The following DLGAP1 variants were observed in gnomAD, a reference collection of about 807,000 sequenced individuals.
DLGAP1 encodes the protein disks large-associated protein 1.
DLGAP1 carries 11 observed loss-of-function variants against 90.8 expected under a neutral mutation model. The ratio of observed to expected loss-of-function variants is 0.12; its 90% CI spans 0.08 to 0.20. The LOEUF (loss-of-function observed/expected upper bound fraction) is 0.20. DLGAP1 is among the 10% of genes least tolerant of loss of function. DLGAP1 has a pLI of 1.00. For missense variants in DLGAP1, 1,050 were observed against 1,333.8 expected (o/e 0.79, Z 3.31); for synonymous variants, 558 against 540.7 (o/e 1.03, Z -0.44).
chr18:4,449,795 T>G (rs923552685), intron 1 of DLGAP1, among the ~76,000 whole-genome samples: 1 of 152,186 alleles, frequency 6.6e-6, no homozygotes, highest in Admixed American at 6.5e-5. Context: ...AAATGACTTT[T>G]CAGCTGAAGT....
chr18:4,070,813 C>T (rs1229739775), intron 2 of DLGAP1, among the ~76,000 whole-genome samples: 4 of 151,992 alleles, frequency 2.6e-5, no homozygotes, highest in African/African-American at 9.7e-5. Context: ...AGTTAAAAGT[C>T]GTGTTGAGAG....
intron 1 of DLGAP1, among the ~76,000 whole-genome samples, chr18:4,329,914 T>C (rs926337669): frequency 2.6e-5 from 4 of 152,026 alleles, no homozygotes; most frequent in Non-Finnish European, 5.9e-5. Context: ...GAATTACCTC[T>C]TCTATTTTCT....
At chr18:3,857,315 A>G (rs938088411) in intron 4 of DLGAP1, among the ~76,000 whole-genome samples, 2 of 152,216 alleles carry the variant, frequency 1.3e-5, no homozygotes, top group African/African-American at 2.4e-5. Context: ...AATGGTAAAA[A>G]GCTGTTTAAA....
intron 2 of DLGAP1, among the ~76,000 whole-genome samples, chr18:4,052,539 C>A (rs924985791): frequency 2.6e-5 from 4 of 152,132 alleles, no homozygotes; most frequent in African/African-American, 9.7e-5. Flanking sequence ...CCTGCAAAAC[C>A]ATTTTTCTCT....
At chr18:4,118,009 C>T (rs2076089804) in intron 2 of DLGAP1, among the ~76,000 whole-genome samples, 1 of 151,584 alleles carries the variant, frequency 6.6e-6, no homozygotes, top group African/African-American at 2.4e-5. Context: ...TTCATGACCG[C>T]CAGGGTTATG....
intron 6 of DLGAP1, among the ~76,000 whole-genome samples, chr18:3,735,918 T>G (rs1598508843): frequency 6.6e-6 from 1 of 151,976 alleles, no homozygotes; most frequent in East Asian, 1.9e-4. Flanking sequence ...GACAATTAAT[T>G]TATCTAGGTT....
Position 4,084,119 on chromosome 18 carries a change from A to T in DLGAP1, c.-159+67061T>A, listed in dbSNP as rs1294586139. Reference sequence around the variant, plus strand: ...AATCCTAGCCCCCAAACTCCTCAAAAAGATGGACTTGAGGTTTCCTCCCAT... The same window carrying T: ...AATCCTAGCCCCCAAACTCCTCAAATAGATGGACTTGAGGTTTCCTCCCAT... On this transcript the variant is annotated intron_variant, in intron 2 of 12. Transcript: ENST00000315677. The surrounding 1 kb of genome is among the most constrained non-coding windows in gnomAD (Gnocchi z 4.0). Among the ~76,000 whole-genome samples, 1 of 152,076 alleles carries T rather than the reference A, an allele frequency of 6.6e-6. No homozygotes were observed. Among genetic ancestry groups the T allele is most frequent in the East Asian group, 1.9e-4 (1 of 5,182 alleles).
intron 1 of DLGAP1, among the ~76,000 whole-genome samples, chr18:4,306,375 T>C (rs1413126617): frequency 1.3e-5 from 2 of 151,466 alleles, no homozygotes; most frequent in African/African-American, 4.9e-5. Flanking sequence ...CTCCAAAAAG[T>C]TTAATATGAT....
At chr18:3,883,742 A>G (rs2071239957) in intron 3 of DLGAP1, among the ~76,000 whole-genome samples, 1 of 152,238 alleles carries the variant, frequency 6.6e-6, no homozygotes, top group Admixed American at 6.5e-5. Context: ...AAGATGCCCA[A>G]TAGTTGGGGG....
chr18:3,580,570 C>T (rs143978504), intron 8 of DLGAP1: 66,849 of 1,588,838 alleles, frequency 0.042, 1,659 homozygotes, highest in Non-Finnish European at 0.046. Flanking sequence ...AGGAGGGCTC[C>T]GGGGAGGAGG....
At position 3,766,172 on chromosome 18, in the gene DLGAP1, T is replaced by C. The variant is rs529367477; in HGVS notation, c.1173-23660A>G. Among the ~76,000 whole-genome samples, 4 of 152,012 alleles carry C rather than the reference T, an allele frequency of 2.6e-5. No homozygotes were observed. In the South Asian group the frequency reaches 6.2e-4, roughly 24 times the overall value. On this transcript the variant is annotated intron_variant, in intron 5 of 12. Transcript: ENST00000315677. ...CATGCAAACATTAATTAAAGGAAAA[T>C]AGGAGTTGCTCTACTAGTATCAGAT... is the stretch of plus-strand genomic sequence containing the variant.
chr18:3,534,667 T>C (rs1228128358), intron 9 of DLGAP1, 52 bp from the exon 10 acceptor site: 2 of 1,346,242 alleles, frequency 1.5e-6, no homozygotes, highest in East Asian at 2.4e-5. Flanking sequence ...CTTTCTTTCC[T>C]TCCTTCCTTC....
chr18:4,405,621 A>G (rs2082645979), intron 1 of DLGAP1, among the ~76,000 whole-genome samples: 1 of 152,126 alleles, frequency 6.6e-6, no homozygotes, highest in South Asian at 2.1e-4. Flanking sequence ...ATACGTCCCT[A>G]TTGTTCTGAA....
At position 3,523,762 on chromosome 18, in the gene DLGAP1, G is replaced by A. The variant is rs143550372; in HGVS notation, c.2479+10432C>T. Reference sequence around the variant, plus strand: ...CACTGGGAGGCTGAGGCAGGAGAATGGTGTGAACTCAGAAGGCGGAGCTTG... The same window carrying A: ...CACTGGGAGGCTGAGGCAGGAGAATAGTGTGAACTCAGAAGGCGGAGCTTG... On this transcript the variant is annotated intron_variant, in intron 10 of 12. Transcript: ENST00000315677. 3.4e-3 allele frequency among the ~76,000 whole-genome samples: 524 copies of A among 151,958 alleles called. 2 individuals carry two copies. Among genetic ancestry groups the A allele is most frequent in the African/African-American group, 0.012 (507 of 41,448 alleles).
intron 7 of DLGAP1, chr18:3,680,118 C>G (rs1279465970): frequency 6.6e-6 from 1 of 152,262 alleles, no homozygotes; most frequent in African/African-American, 2.4e-5. Flanking sequence ...TGTGGCCCTC[C>G]TCTCTCTAAC....
chr18:4,033,230 T>G (rs1425600878), intron 2 of DLGAP1, among the ~76,000 whole-genome samples: 2 of 152,046 alleles, frequency 1.3e-5, no homozygotes, highest in Non-Finnish European at 2.9e-5. Context: ...ACAGTTCAGA[T>G]AAGGCTAACG....
chr18:4,292,368 G>A (rs867073605), intron 1 of DLGAP1, among the ~76,000 whole-genome samples: 3 of 151,954 alleles, frequency 2.0e-5, no homozygotes, highest in Non-Finnish European at 2.9e-5. Context: ...TCCCATGGTT[G>A]CCACAGCTAC....
At chr18:3,636,337 C>T (rs1246131406) in intron 7 of DLGAP1, among the ~76,000 whole-genome samples, 4 of 151,644 alleles carry the variant, frequency 2.6e-5, no homozygotes, top group African/African-American at 9.7e-5. Context: ...CCCATGTCCT[C>T]ACTATTTCTG....
chr18:3,551,869 C>T (rs1291553587), intron 9 of DLGAP1, among the ~76,000 whole-genome samples: 2 of 150,898 alleles, frequency 1.3e-5, no homozygotes, highest in African/African-American at 2.4e-5. Context: ...CCCTCTGCCT[C>T]CTAGGCTCAA....
Sources: allele counts gnomAD v4.1 joint callset (sites outside exome capture counted in the v4.1 genomes callset), GRCh38; gene constraint gnomAD v4.1.1; non-coding constraint Gnocchi (gnomAD v3.1); transcripts MANE v1.5; gene names NCBI Gene and HGNC (gene_info 2026-07-23, HGNC 2026-07-21).